RANBP2: variants seen among roughly 807,000 people sequenced by gnomAD.
The protein encoded by RANBP2 is E3 SUMO-protein ligase RanBP2.
In RANBP2, 57 loss-of-function variants were observed where a neutral mutation model predicts 303.6. That is an observed-to-expected ratio of 0.19 (90% CI 0.15 to 0.23). RANBP2 has a LOEUF of 0.23. Among genes scored for constraint, RANBP2 ranks in the 10% least tolerant of loss-of-function variants. The pLI, the probability that RANBP2 is intolerant of heterozygous loss-of-function variation, is 1.00. For synonymous variants in RANBP2, 1,167 were observed against 1,301.5 expected, an observed-to-expected ratio of 0.90 and a Z score of 2.23; for missense variants, 3,138 against 3,780.8, an observed-to-expected ratio of 0.83 and a Z score of 4.46.
rs749581954 is a variant in RANBP2, at chr2:108,763,346, A to G, written c.2807A>G (p.Gln936Arg). The G allele has an allele frequency of 6.2e-7, 1 of 1,613,924 alleles. No homozygotes were observed. Among genetic ancestry groups the G allele is most frequent in the Non-Finnish European group, 8.5e-7 (1 of 1,179,952 alleles). The change falls in exon 20 of 29, where the codon CAG becomes CGG. Residue 936 changes from glutamine to arginine, a missense_variant. Around this residue, in one of 20 missense-constraint regions of RANBP2, gnomAD observed 403 missense variants for 376.7 expected, o/e 1.07. Coordinates refer to ENST00000283195, the MANE Select transcript of RANBP2 (RefSeq NM_006267.5). ...VQSSSACMFS[Q>R]EMYGPPALRF... ...AGCTCATCTGCTTGTATGTTCTCTC[A>G]GGAGATGTATGGTCCTCCTGCATTG...
the RANBP2 span, among the ~76,000 whole-genome samples, chr2:109,449,902 A>C: frequency 6.6e-6 from 1 of 152,208 alleles, no homozygotes; most frequent in African/African-American, 2.4e-5. Context: ...CACTCCCTTC[A>C]ATATGTCATC....
chr2:109,364,257 T>C, the RANBP2 span, among the ~76,000 whole-genome samples: 6 of 152,154 alleles, frequency 3.9e-5, no homozygotes, highest in South Asian at 1.2e-3. Flanking sequence ...CTCAACTGTG[T>C]CCAGTCTCCT....
At chr2:108,974,935 G>A in the RANBP2 span, among the ~76,000 whole-genome samples, 1 of 152,162 alleles carries the variant, frequency 6.6e-6, no homozygotes, top group Non-Finnish European at 1.5e-5. Flanking sequence ...CAGGGCTCTG[G>A]TGGAGATTCA....
the RANBP2 span, among the ~76,000 whole-genome samples, chr2:108,901,954 T>A: frequency 6.6e-6 from 1 of 151,320 alleles, no homozygotes; most frequent in Non-Finnish European, 1.5e-5. Flanking sequence ...AATACAAAAA[T>A]TAGGGCTGGG....
At chr2:109,145,675 C>A in the RANBP2 span, among the ~76,000 whole-genome samples, 3 of 152,204 alleles carry the variant, frequency 2.0e-5, no homozygotes, top group African/African-American at 7.2e-5. Context: ...TAGAATTTAT[C>A]TTCTGGTTGT....
the RANBP2 span, among the ~76,000 whole-genome samples, chr2:109,557,183 A>T: frequency 0.68 from 102,890 of 151,950 alleles, 36,664 homozygotes; most frequent in Middle Eastern, 0.88. Flanking sequence ...AAAAAAATTT[A>T]AAAAAAATTA....
the RANBP2 span, among the ~76,000 whole-genome samples, chr2:109,258,107 C>T: frequency 2.6e-5 from 4 of 152,166 alleles, no homozygotes; most frequent in Admixed American, 6.5e-5. Flanking sequence ...GGAGCTTAAC[C>T]GGCCCAGACA....
the RANBP2 span, among the ~76,000 whole-genome samples, chr2:109,627,229 C>T: frequency 2.6e-5 from 4 of 152,186 alleles, no homozygotes; most frequent in African/African-American, 7.2e-5. Flanking sequence ...TGGGGTCTCG[C>T]TCTGTCACCC....
intron 8 of RANBP2, among the ~76,000 whole-genome samples, chr2:108,748,030 A>G (rs1190159230): frequency 3.3e-5 from 5 of 152,148 alleles, no homozygotes; most frequent in Admixed American, 1.3e-4. Context: ...AACATTTCAC[A>G]TAAATGGAAT....
At chr2:108,880,891 G>A in the RANBP2 span, among the ~76,000 whole-genome samples, 5 of 152,140 alleles carry the variant, frequency 3.3e-5, no homozygotes, top group African/African-American at 7.2e-5. Context: ...GAACCAAAAC[G>A]TAATTTCAAC....
chr2:109,315,781 G>A, the RANBP2 span, among the ~76,000 whole-genome samples: 1 of 152,194 alleles, frequency 6.6e-6, no homozygotes, highest in African/African-American at 2.4e-5. Context: ...GTGAATGCCG[G>A]TTGCTGCCTT....
At chr2:109,318,341 C>G in the RANBP2 span, among the ~76,000 whole-genome samples, 1,119 of 152,098 alleles carry the variant, frequency 7.4e-3, 10 homozygotes, top group African/African-American at 0.026. Flanking sequence ...CAGCCCGGTC[C>G]CCAGTGCTTG....
chr2:109,137,894 A>G, the RANBP2 span, among the ~76,000 whole-genome samples: 1 of 152,266 alleles, frequency 6.6e-6, no homozygotes, highest in Admixed American at 6.5e-5. Flanking sequence ...ATGTGGGTTG[A>G]GGAAAGTACT....
At chr2:109,761,919 G>A in the RANBP2 span, among the ~76,000 whole-genome samples, 1 of 151,452 alleles carries the variant, frequency 6.6e-6, no homozygotes, top group South Asian at 2.1e-4. Context: ...AATATGCAAT[G>A]TACAATTTTA....
the RANBP2 span, among the ~76,000 whole-genome samples, chr2:108,804,362 A>G: frequency 7.2e-5 from 11 of 152,204 alleles, no homozygotes; most frequent in Non-Finnish European, 1.6e-4. Flanking sequence ...GTTTGGGGCT[A>G]AGAAATTTTA....
the RANBP2 span, among the ~76,000 whole-genome samples, chr2:109,395,428 C>T: frequency 6.6e-6 from 1 of 152,184 alleles, no homozygotes; most frequent in Non-Finnish European, 1.5e-5. Flanking sequence ...GGCAGCGGTT[C>T]GCCTGCCTGG....
At chr2:109,348,718 C>T in the RANBP2 span, among the ~76,000 whole-genome samples, 1 of 152,248 alleles carries the variant, frequency 6.6e-6, no homozygotes, top group Non-Finnish European at 1.5e-5. Flanking sequence ...CTTATCCAGG[C>T]TGCTTGCTGG....
chr2:109,027,147 C>G, the RANBP2 span, among the ~76,000 whole-genome samples: 1 of 147,772 alleles, frequency 6.8e-6, no homozygotes, highest in Non-Finnish European at 1.5e-5. Flanking sequence ...GAGGCTGAGG[C>G]AGGAGAATCA....
chr2:109,121,803 T>A, the RANBP2 span, among the ~76,000 whole-genome samples: 2 of 152,166 alleles, frequency 1.3e-5, no homozygotes, highest in African/African-American at 4.8e-5. Flanking sequence ...TGGAACTCTG[T>A]TTGAATCACA....
Sources: gnomAD v4.1 joint callset for allele counts (sites outside exome capture counted in the v4.1 genomes callset) on GRCh38, gnomAD v4.1.1 for gene constraint, gnomAD v4.1.1 regional missense constraint, MANE v1.5 for transcripts, NCBI Gene and HGNC (gene_info 2026-07-23, HGNC 2026-07-21) for gene names.